GRIN2A: variants seen among roughly 807,000 people sequenced by gnomAD.
The protein encoded by GRIN2A is glutamate receptor ionotropic, NMDA 2A.
Under a neutral mutation model 113.4 loss-of-function variants are expected in GRIN2A, and 22 were observed. The observed-to-expected ratio is 0.19, with a 90% confidence interval of 0.14 to 0.28. The LOEUF (loss-of-function observed/expected upper bound fraction) is 0.28. Ranked by LOEUF, GRIN2A falls within the 10% of genes least tolerant of loss-of-function variation. The pLI is 1.00. For missense variants in GRIN2A, 1,502 were observed against 1,887.0 expected (o/e 0.80, Z 3.78); for synonymous variants, 827 against 738.4 (o/e 1.12, Z -1.94).
intron 2 of GRIN2A, among the ~76,000 whole-genome samples, chr16:10,118,859 G>C (rs2048777326): frequency 6.6e-6 from 1 of 152,198 alleles, no homozygotes; most frequent in Non-Finnish European, 1.5e-5. Flanking sequence ...ATCATCAGTA[G>C]TCCAATTGTC....
At chr16:10,090,319 G>C (rs9928340) in intron 2 of GRIN2A, among the ~76,000 whole-genome samples, 40,846 of 152,094 alleles carry the variant, frequency 0.27, 6,011 homozygotes, top group Non-Finnish European at 0.32. Context: ...GAAATCAAGA[G>C]AGTGTGGTAT....
intron 2 of GRIN2A, among the ~76,000 whole-genome samples, chr16:10,105,093 G>C (rs1479237114): frequency 1.3e-5 from 2 of 152,078 alleles, no homozygotes; most frequent in East Asian, 3.9e-4. Context: ...CTGGTAGCTG[G>C]GGTCTAGAAG....
At chr16:10,011,118 T>C (rs2046496614) in intron 2 of GRIN2A, among the ~76,000 whole-genome samples, 1 of 152,232 alleles carries the variant, frequency 6.6e-6, no homozygotes, top group African/African-American at 2.4e-5. Context: ...TTCCCCACTC[T>C]TTCTTATTTA....
intron 2 of GRIN2A, among the ~76,000 whole-genome samples, chr16:9,952,656 A>G (rs2045211474): frequency 6.6e-6 from 1 of 152,120 alleles, no homozygotes; most frequent in Non-Finnish European, 1.5e-5. Context: ...TGTCTGTTCA[A>G]TGTCCTATTT....
intron 11 of GRIN2A, among the ~76,000 whole-genome samples, chr16:9,775,975 C>T (rs1480176514): frequency 1.3e-5 from 2 of 152,202 alleles, no homozygotes; most frequent in East Asian, 1.9e-4. Flanking sequence ...CTATTAGAGT[C>T]CTGTCCTGAT....
At position 10,130,574 on chromosome 16, in the gene GRIN2A, C is replaced by T. The variant is rs181885967; in HGVS notation, c.414+49424G>A. Among the ~76,000 whole-genome samples the T allele has an allele frequency of 9.8e-5, 15 of 152,296 alleles. No homozygotes were observed. In the East Asian group the frequency reaches 2.5e-3, roughly 25 times the overall value. ...CTCCCCACTGTCAAAAGGAACAGGA[C>T]ATTATATAAACCTTCTGAAATGCCA... On this transcript the variant is annotated intron_variant, in intron 2 of 12. Transcript: ENST00000330684.
intron 11 of GRIN2A, among the ~76,000 whole-genome samples, chr16:9,781,356 G>A (rs945453782): frequency 6.6e-6 from 1 of 152,128 alleles, no homozygotes; most frequent in Non-Finnish European, 1.5e-5. Flanking sequence ...TACTTTAGAT[G>A]GAAACAAAAC....
intron 2 of GRIN2A, among the ~76,000 whole-genome samples, chr16:10,113,844 A>C (rs914440620): frequency 1.3e-5 from 2 of 152,164 alleles, no homozygotes; most frequent in Non-Finnish European, 2.9e-5. Context: ...ACTCAGCATT[A>C]TTTTTAACAA....
chr16:9,786,441 A>G (rs901799677), intron 11 of GRIN2A, among the ~76,000 whole-genome samples: 3 of 152,134 alleles, frequency 2.0e-5, no homozygotes, highest in Admixed American at 6.5e-5. Context: ...GAACAATGGA[A>G]AAAAAGTGTA....
intron 8 of GRIN2A, among the ~76,000 whole-genome samples, chr16:9,831,658 G>T (rs1211810503): frequency 6.6e-6 from 1 of 151,878 alleles, no homozygotes; most frequent in Non-Finnish European, 1.5e-5. Flanking sequence ...TGGGACTACA[G>T]GAGCATACCA....
chr16:9,914,985 G>A (rs1157330864), intron 3 of GRIN2A, among the ~76,000 whole-genome samples: 1 of 125,968 alleles, frequency 7.9e-6, no homozygotes, highest in African/African-American at 3.0e-5. Context: ...CATCCAGGCT[G>A]GAGTGCAGTG....
chr16:9,877,157 G>C (rs2141442836), intron 4 of GRIN2A, among the ~76,000 whole-genome samples: 1 of 152,224 alleles, frequency 6.6e-6, no homozygotes, highest in South Asian at 2.1e-4. Flanking sequence ...ACATCTCTAA[G>C]TTTGCATGAC....
chr16:9,835,813 T>A (rs56655452), intron 7 of GRIN2A, among the ~76,000 whole-genome samples: 2,704 of 152,314 alleles, frequency 0.018, 76 homozygotes, highest in African/African-American at 0.061. Context: ...ATGAGTTTAA[T>A]GTATAACAAG....
At chr16:10,137,158 G>A (rs986450756) in intron 2 of GRIN2A, among the ~76,000 whole-genome samples, 4 of 152,180 alleles carry the variant, frequency 2.6e-5, no homozygotes, top group Admixed American at 1.3e-4. Context: ...AGACAGAGTC[G>A]GAGGGGTTCA....
intron 3 of GRIN2A, among the ~76,000 whole-genome samples, chr16:9,896,252 G>A (rs1246499504): frequency 6.6e-6 from 1 of 152,170 alleles, no homozygotes; most frequent in Non-Finnish European, 1.5e-5. Flanking sequence ...GTTGCACCAT[G>A]TTGGCCAGGC....
chr16:10,065,847 GA>G (rs1489008558), intron 2 of GRIN2A, among the ~76,000 whole-genome samples: 25 of 152,144 alleles, frequency 1.6e-4, no homozygotes, highest in African/African-American at 2.7e-4. Context: ...CAAACATTGG[GA>G]GGGGGGGCGC....
At chr16:9,834,795 A>C (rs1210334152) in intron 7 of GRIN2A, among the ~76,000 whole-genome samples, 3 of 152,286 alleles carry the variant, frequency 2.0e-5, no homozygotes, top group Admixed American at 2.0e-4. Context: ...ACATTTTACA[A>C]ATTAGGTCAA....
intron 2 of GRIN2A, among the ~76,000 whole-genome samples, chr16:10,117,967 T>C (rs2048760772): frequency 6.6e-6 from 1 of 152,136 alleles, no homozygotes; most frequent in Non-Finnish European, 1.5e-5. Context: ...GTCTGAACAA[T>C]GAGAGGGAGA....
intron 2 of GRIN2A, among the ~76,000 whole-genome samples, chr16:10,151,040 G>T (rs2049557165): frequency 6.6e-6 from 1 of 152,172 alleles, no homozygotes; most frequent in Non-Finnish European, 1.5e-5. Context: ...TTGAGCTGGG[G>T]ACTAAACAAT....
Sources: gnomAD v4.1 joint callset for allele counts (sites outside exome capture counted in the v4.1 genomes callset) on GRCh38, gnomAD v4.1.1 for gene constraint, MANE v1.5 for transcripts, NCBI Gene and HGNC (gene_info 2026-07-23, HGNC 2026-07-21) for gene names.